CCDC14: variants seen among roughly 807,000 people sequenced by gnomAD.
CCDC14 encodes the protein coiled-coil domain containing 14, also known as coiled-coil domain-containing protein 14.
CCDC14 carries 71 observed loss-of-function variants against 81.4 expected under a neutral mutation model. The ratio of observed to expected loss-of-function variants is 0.87; its 90% CI spans 0.72 to 1.06. The LOEUF (loss-of-function observed/expected upper bound fraction) is 1.06. CCDC14 is among the 50% of genes least tolerant of loss of function. The probability of loss-of-function intolerance (pLI) is 0.00; values close to 1 mark genes in which losing one functional copy is unlikely to be tolerated. For synonymous variants in CCDC14, 332 were observed against 364.8 expected (o/e 0.91, Z 1.03); for missense variants, 1,046 against 1,047.3 (o/e 1.00, Z 0.02).
intron 5 of CCDC14, among the ~76,000 whole-genome samples, chr3:123,899,200 A>G (rs1472675377): frequency 4.6e-5 from 7 of 152,346 alleles, no homozygotes; most frequent in South Asian, 2.1e-4. Context: ...TTAAAAACTT[A>G]TCAGAGGTTC....
At chr3:123,943,082 T>C (rs1261369738) in intron 9 of CCDC14, among the ~76,000 whole-genome samples, 2 of 151,954 alleles carry the variant, frequency 1.3e-5, no homozygotes, top group African/African-American at 2.4e-5. Context: ...TATAAATGTG[T>C]GTGGTGTGTG....
At chr3:123,902,515 C>T (rs755164263) in intron 5 of CCDC14, among the ~76,000 whole-genome samples, 8 of 152,126 alleles carry the variant, frequency 5.3e-5, no homozygotes, top group Non-Finnish European at 1.2e-4. Flanking sequence ...AATTCACAGG[C>T]AATAAGGATG....
At chr3:123,913,398 T>A, downstream of CCDC14, 1 of 983,808 alleles carries the variant, frequency 1.0e-6, no homozygotes, top group Non-Finnish European at 1.2e-6. Flanking sequence ...CAGTTAAATA[T>A]TTGGGAGTAG....
Position 123,947,340 on chromosome 3 carries a change from G to T in CCDC14, c.685-21C>A, listed in dbSNP as rs759777199. ...ACTTCCTAAAGAAAGATAAAAACAAGTCTTCAGAAGTATGAGCACTCATTT... is the reference window on the plus strand; with the variant it reads ...ACTTCCTAAAGAAAGATAAAAACAATTCTTCAGAAGTATGAGCACTCATTT... On this transcript the variant is annotated intron_variant, in intron 7 of 12. Coordinates refer to ENST00000409697, the MANE Select transcript of CCDC14 (RefSeq NM_001366335.1). The T allele has an allele frequency of 1.9e-6, 3 of 1,573,750 alleles. No homozygotes were observed. In the African/African-American group the frequency reaches 4.1e-5, roughly 21 times the overall value.
chr3:123,944,744 C>A, intron 9 of CCDC14, 105 bp downstream of exon 9: 1 of 727,246 alleles, frequency 1.4e-6, no homozygotes, highest in Non-Finnish European at 2.1e-6. Context: ...AGTAAGACAG[C>A]AAATAAATTT....
intron 1 of CCDC14, among the ~76,000 whole-genome samples, chr3:123,959,402 A>C (rs2037536160): frequency 6.6e-6 from 1 of 152,168 alleles, no homozygotes; most frequent in South Asian, 2.1e-4. Flanking sequence ...ATCTTTTCAT[A>C]TACCTGCTGG....
At chr3:123,909,208 T>C (rs2034387882), downstream of CCDC14, among the ~76,000 whole-genome samples, 2 of 152,152 alleles carry the variant, frequency 1.3e-5, no homozygotes, top group African/African-American at 2.4e-5. Flanking sequence ...AATATGTACC[T>C]TGGCCGTGTG....
At chr3:123,935,454 T>G (rs2036001332) in intron 9 of CCDC14, among the ~76,000 whole-genome samples, 1 of 152,214 alleles carries the variant, frequency 6.6e-6, no homozygotes, top group Non-Finnish European at 1.5e-5. Flanking sequence ...ATCTCCCACC[T>G]TGTAGATACA....
Position 123,929,443 on chromosome 3 carries a change from C to T in CCDC14, c.1778+1659G>A, listed in dbSNP as rs1425993181. Among the ~76,000 whole-genome samples the T allele has an allele frequency of 2.0e-5, 3 of 151,996 alleles. No homozygotes were observed. The East Asian group carries it at 5.8e-4, about 29-fold the overall frequency. On this transcript the variant is annotated intron_variant, in intron 12 of 12. Coordinates refer to ENST00000409697, the MANE Select transcript of CCDC14 (RefSeq NM_001366335.1). ...TCTGCCTCTCGAGTAGCTGGGACTA[C>T]AGGCATGCACGACCACGCACAGCTA... is the stretch of plus-strand genomic sequence containing the variant.
intron 1 of CCDC14, chr3:123,957,827 T>C (rs964149722): frequency 2.6e-5 from 4 of 152,076 alleles, no homozygotes; most frequent in African/African-American, 9.7e-5. Context: ...TAAATAGACA[T>C]GAGAAAGTCC....
chr3:123,917,920 T>A (rs1213092394), intron 12 of CCDC14, among the ~76,000 whole-genome samples: 9 of 152,144 alleles, frequency 5.9e-5, no homozygotes, highest in Admixed American at 5.9e-4. Flanking sequence ...TAATATAAGA[T>A]AGATGGACAT....
chr3:123,891,713 T>C, the CCDC14 span, among the ~76,000 whole-genome samples: 1 of 152,222 alleles, frequency 6.6e-6, no homozygotes, highest in Non-Finnish European at 1.5e-5. Context: ...CTTTCCCACA[T>C]TTTCCTGTCT....
Position 123,956,376 on chromosome 3 carries a change from G to C in CCDC14, c.138C>G (p.Ile46Met). 1 of 1,546,960 alleles carries C rather than the reference G, an allele frequency of 6.5e-7. No individual in the cohort carries two copies. The highest frequency in any genetic ancestry group is 8.7e-7 in the Non-Finnish European group (1 of 1,144,472). The part of the protein sequence containing the change: ...PRFNADSGYS[I>M]HSDSESQAET... ...TTACCTGACTTTCTGAATCAGAATG[G>C]ATGGAATAGCCAGAATCTGCATTAA... Residue 46 changes from isoleucine to methionine, a missense_variant, in exon 3 of 13, where the codon ATC (isoleucine) becomes ATG (methionine). By Grantham distance (10) the Ile-to-Met change is conservative. Transcript: ENST00000409697.
At chr3:123,955,457 G>T (rs1302871132) in intron 5 of CCDC14, 2 of 146,506 alleles carry the variant, frequency 1.4e-5, no homozygotes, top group South Asian at 2.1e-4. Flanking sequence ...GACCAACTTA[G>T]GATATATATA....
intron 5 of CCDC14, among the ~76,000 whole-genome samples, chr3:123,951,294 CAAGTA>C (rs2037005393): frequency 6.6e-6 from 1 of 152,076 alleles, no homozygotes; most frequent in Non-Finnish European, 1.5e-5. Context: ...TTACAATAGA[CAAGTA>C]AATATATCAT....
chr3:123,906,102 G>T (rs1405290965), intron 5 of CCDC14, among the ~76,000 whole-genome samples: 1 of 152,108 alleles, frequency 6.6e-6, no homozygotes, highest in Admixed American at 6.5e-5. Flanking sequence ...GGCCAAGGCG[G>T]GTGGATCATG....
intron 1 of CCDC14, chr3:123,958,346 T>C (rs376979782): frequency 6.6e-6 from 1 of 152,134 alleles, no homozygotes; most frequent in Non-Finnish European, 1.5e-5. Context: ...AGATTACATA[T>C]GGTGTTTCTC....
At chr3:123,911,339 G>A (rs1176869933), downstream of CCDC14, among the ~76,000 whole-genome samples, 1 of 152,142 alleles carries the variant, frequency 6.6e-6, no homozygotes, top group Non-Finnish European at 1.5e-5. Flanking sequence ...GCTTTGAATT[G>A]TGTGTGTTAA....
chr3:123,906,278 C>T (rs1367286047), intron 5 of CCDC14, among the ~76,000 whole-genome samples: 3 of 151,682 alleles, frequency 2.0e-5, no homozygotes, highest in Admixed American at 6.6e-5. Context: ...TGCAGTGAGC[C>T]GAGATCGCGC....
Sources: gnomAD v4.1 joint callset for allele counts (sites outside exome capture counted in the v4.1 genomes callset) on GRCh38, gnomAD v4.1.1 for gene constraint, MANE v1.5 for transcripts, NCBI Gene and HGNC (gene_info 2026-07-23, HGNC 2026-07-21) for gene names.